Variants in C17orf75 observed in about 807,000 individuals in gnomAD.
The protein encoded by C17orf75 is chromosome 17 open reading frame 75, also known as protein Njmu-R1.
In C17orf75, 32 loss-of-function variants were observed where a neutral mutation model predicts 49.6. The ratio of observed to expected loss-of-function variants is 0.65; its 90% CI spans 0.49 to 0.87. The LOEUF is 0.87. Among genes scored for constraint, C17orf75 ranks in the 40% least tolerant of loss-of-function variants. The pLI is 0.00. For missense variants in C17orf75, 428 were observed against 473.9 expected (o/e 0.90, Z 0.90); for synonymous variants, 158 against 159.5 (o/e 0.99, Z 0.07).
intron 8 of C17orf75, among the ~76,000 whole-genome samples, chr17:32,333,934 A>G (rs931089259): frequency 1.3e-5 from 2 of 152,178 alleles, no homozygotes; most frequent in Admixed American, 1.3e-4. Flanking sequence ...AGAGAGGATA[A>G]TCATTCCCAC....
chr17:32,333,512 G>T lies in C17orf75; in HGVS notation c.880C>A (p.Arg294=). 1 of 1,609,316 alleles carries T rather than the reference G, an allele frequency of 6.2e-7. No homozygotes were observed. Among genetic ancestry groups the T allele is most frequent in the Non-Finnish European group, 8.5e-7 (1 of 1,178,040 alleles). The part of the protein sequence containing the change: ...QPQFCNAGSN[R]FCEDWMQAFL... ...GCTTGCATCCAATCCTCACAAAACC[G>T]GTTACTTCCTATAAAACATTTCAGA... The change falls in exon 9 of 10, where the codon CGG becomes AGG. Residue 294 remains arginine (R), a synonymous_variant. Transcript: ENST00000577809.
upstream of C17orf75, among the ~76,000 whole-genome samples, chr17:32,343,355 TCA>T (rs1370704882): frequency 1.4e-4 from 21 of 152,274 alleles, no homozygotes; most frequent in African/African-American, 4.6e-4. Flanking sequence ...AAATAAAACT[TCA>T]TAAAGTTAAA....
chr17:32,341,261 C>A lies in C17orf75; in HGVS notation c.164G>T (p.Ser55Ile). The change falls in exon 2 of 10, where the codon AGT becomes ATT. Residue 55 changes from serine (S) to isoleucine (I), a missense_variant. By Grantham distance (142) the Ser-to-Ile change is moderately radical (BLOSUM62 -2). Coordinates refer to ENST00000577809, the MANE Select transcript of C17orf75 (RefSeq NM_022344.4). The part of the protein sequence containing the change: ...GSRLAQQRGD[S>I]EDGSPSGTNA... Reference sequence around the variant, plus strand: ...TGTGCCACTTGGGCTTCCGTCCTCACTGTCCCCTCGTTGCTGTGCCAATCT... The same window carrying A: ...TGTGCCACTTGGGCTTCCGTCCTCAATGTCCCCTCGTTGCTGTGCCAATCT... The A allele has an allele frequency of 6.2e-7, 1 of 1,613,982 alleles. No homozygotes were observed. The highest frequency in any genetic ancestry group is 8.5e-7 in the Non-Finnish European group (1 of 1,179,902).
upstream of C17orf75, among the ~76,000 whole-genome samples, chr17:32,345,166 T>C (rs945409020): frequency 6.6e-6 from 1 of 151,952 alleles, no homozygotes; most frequent in African/African-American, 2.4e-5. Context: ...TCACATTTGA[T>C]TGGATATTCC....
rs1015217320 is a variant in C17orf75, at chr17:32,328,956, G to C, written c.*2807C>G. On this transcript the variant is annotated 3_prime_UTR_variant, in exon 10 of 10. Coordinates refer to ENST00000577809, the MANE Select transcript of C17orf75 (RefSeq NM_022344.4). ...CCAAGATAGTAGCTTATTAAAATTT[G>C]AATACAGTACATGTTTCTAGTCATG... The C allele has an allele frequency of 5.3e-5, 8 of 151,926 alleles. No homozygotes were observed. Among genetic ancestry groups the C allele is most frequent in the Admixed American group, 2.0e-4 (3 of 15,246 alleles). The allele number at this position is 151,926 out of a possible 1,614,324, so 9.4% of individuals were successfully genotyped here. A position where few individuals can be genotyped will look rare whatever the true frequency, so the allele number is the denominator to read the frequency against.
chr17:32,332,486 T>G lies in C17orf75; in HGVS notation c.976-508A>C, dbSNP rs540736430. ...TAAAAATACTTTAAAATAATCTACC[T>G]AGCATGGTGGCTCATGTCTGTAATC... On this transcript the variant is annotated intron_variant, in intron 9 of 9. Transcript: ENST00000577809. Among the ~76,000 whole-genome samples the G allele has an allele frequency of 3.9e-5, 6 of 152,252 alleles. No homozygotes were observed. In the South Asian group the frequency reaches 1.0e-3, roughly 26 times the overall value.
intron 1 of C17orf75, 144 bp downstream of exon 1, chr17:32,341,856 C>T (rs2041382961): frequency 4.6e-6 from 5 of 1,079,840 alleles, no homozygotes; most frequent in Non-Finnish European, 5.6e-6. Context: ...CCCTTCAGGC[C>T]AGAGACCTTG....
chr17:32,333,566 G>A (rs2041296973), intron 8 of C17orf75, 46 bp from the exon 9 acceptor site: 2 of 1,489,922 alleles, frequency 1.3e-6, no homozygotes, highest in Non-Finnish European at 9.2e-7. Context: ...ATTTTACAAA[G>A]CTTTATTTAT....
At chr17:32,339,216 A>G (rs2041354779) in intron 3 of C17orf75, among the ~76,000 whole-genome samples, 1 of 151,268 alleles carries the variant, frequency 6.6e-6, no homozygotes, top group Admixed American at 6.6e-5. Context: ...AAGTTTACAT[A>G]AACTCTGAGT....
intron 8 of C17orf75, 31 bp downstream of exon 8, chr17:32,334,438 T>C (rs1445425887): frequency 1.9e-6 from 3 of 1,601,762 alleles, no homozygotes; most frequent in African/African-American, 1.3e-5. Context: ...GCAAGAGATG[T>C]AGGAAGGCTG....
rs560716944 is a variant in C17orf75, at chr17:32,331,583, G to A, written c.*180C>T. 5.1e-5 allele frequency: 31 copies of A among 606,558 alleles called. No individual in the cohort carries two copies. In the East Asian group the frequency reaches 8.7e-4, roughly 17 times the overall value. The allele number at this position is 606,558 out of a possible 1,614,324, so 37.6% of individuals were successfully genotyped here. A position where few individuals can be genotyped will look rare whatever the true frequency, so the allele number is the denominator to read the frequency against. On this transcript the variant is annotated 3_prime_UTR_variant, in exon 10 of 10. Coordinates refer to ENST00000577809, the MANE Select transcript of C17orf75 (RefSeq NM_022344.4). Reference sequence around the variant, plus strand: ...ACTCTCACATACATTATCTATCTAGGACTCAGTGAAGATGTTCTTCAGATT... The same window carrying A: ...ACTCTCACATACATTATCTATCTAGAACTCAGTGAAGATGTTCTTCAGATT...
At chr17:32,343,969 G>A (rs138596221), upstream of C17orf75, 172 of 684,124 alleles carry the variant, frequency 2.5e-4, no homozygotes, top group African/African-American at 2.7e-3. Flanking sequence ...ACACTTCATC[G>A]GGGTTCATAT....
chr17:32,329,793 A>G lies in C17orf75; in HGVS notation c.*1970T>C. 1 of 152,242 alleles carries G rather than the reference A, an allele frequency of 6.6e-6. No individual in the cohort carries two copies. Among genetic ancestry groups the G allele is most frequent in the Admixed American group, 6.5e-5 (1 of 15,276 alleles). The allele number at this position is 152,242 out of a possible 1,614,324, so 9.4% of individuals were successfully genotyped here. ...GGGGAACCAACTACATTGGGAAAAGACAGTCAGATTCAAGGACAGTGTCAT... is the reference window on the plus strand; with the variant it reads ...GGGGAACCAACTACATTGGGAAAAGGCAGTCAGATTCAAGGACAGTGTCAT... On this transcript the variant is annotated 3_prime_UTR_variant, in exon 10 of 10. Transcript: ENST00000577809.
At chr17:32,344,198 T>C, upstream of C17orf75, 1 of 452,532 alleles carries the variant, frequency 2.2e-6, no homozygotes, top group East Asian at 4.1e-5. Context: ...AGTGTATCAC[T>C]TTGTTGCTCA....
intron 9 of C17orf75, 40 bp from the exon 10 acceptor site, chr17:32,332,018 A>C (rs1195380375): frequency 6.6e-7 from 1 of 1,519,622 alleles, no homozygotes; most frequent in African/African-American, 1.4e-5. Flanking sequence ...GTTAAGTGAA[A>C]TAATAATGAA....
At chr17:32,344,590 CAAAAAAA>C (rs35084298), upstream of C17orf75, among the ~76,000 whole-genome samples, 1 of 82,102 alleles carries the variant, frequency 1.2e-5, no homozygotes, top group Non-Finnish European at 2.4e-5. Flanking sequence ...GACTCTGTCT[CAAAAAAA>C]AAAAAAAAAA....
chr17:32,335,544 G>T, intron 5 of C17orf75, 102 bp from the exon 6 acceptor site: 1 of 1,382,742 alleles, frequency 7.2e-7, no homozygotes, highest in Non-Finnish European at 9.8e-7. Context: ...GACCAGGATA[G>T]ACACCTCCCT....
chr17:32,341,072 T>C (rs1247426413), intron 2 of C17orf75, 132 bp downstream of exon 2: 15 of 936,892 alleles, frequency 1.6e-5, no homozygotes, highest in Non-Finnish European at 2.5e-5. Context: ...ATGAGGTTCC[T>C]AGGGGATAGG....
chr17:32,335,526 G>A, intron 5 of C17orf75, 84 bp from the exon 6 acceptor site: 1 of 1,506,162 alleles, frequency 6.6e-7, no homozygotes, highest in Non-Finnish European at 9.0e-7. Flanking sequence ...ATCCTTGATG[G>A]TGAAAAAGAC....
Sources: allele counts gnomAD v4.1 joint callset (sites outside exome capture counted in the v4.1 genomes callset), GRCh38; gene constraint gnomAD v4.1.1; transcripts MANE v1.5; gene names NCBI Gene and HGNC (gene_info 2026-07-23, HGNC 2026-07-21).